Variants in ALDH1L2 observed in about 807,000 individuals in gnomAD.
The protein encoded by ALDH1L2 is mitochondrial 10-formyltetrahydrofolate dehydrogenase.
In ALDH1L2, 91 loss-of-function variants were observed where a neutral mutation model predicts 111.0. That is an observed-to-expected ratio of 0.82 (90% confidence interval 0.69 to 0.98). The LOEUF (loss-of-function observed/expected upper bound fraction) is 0.98. ALDH1L2 is among the 50% of genes least tolerant of loss of function. The probability of loss-of-function intolerance (pLI) is 0.00; values close to 1 mark genes in which losing one functional copy is unlikely to be tolerated. For synonymous variants in ALDH1L2, 374 were observed against 392.6 expected (o/e 0.95, Z 0.56); for missense variants, 995 against 1,126.8 (o/e 0.88, Z 1.67).
intron 17 of ALDH1L2, among the ~76,000 whole-genome samples, chr12:105,038,538 G>A (rs12231561): frequency 0.31 from 47,368 of 151,916 alleles, 8,160 homozygotes; most frequent in South Asian, 0.51. Flanking sequence ...ATGGTGGTGT[G>A]TGACTGTAGT....
intron 5 of ALDH1L2, among the ~76,000 whole-genome samples, chr12:105,065,860 G>C (rs989985843): frequency 6.6e-6 from 1 of 152,178 alleles, no homozygotes; most frequent in African/African-American, 2.4e-5. Context: ...CCTGATGCCT[G>C]TGTTGTTTAC....
chr12:105,043,327 G>T (rs1344258530), intron 15 of ALDH1L2, among the ~76,000 whole-genome samples: 1 of 152,170 alleles, frequency 6.6e-6, no homozygotes, highest in Non-Finnish European at 1.5e-5. Flanking sequence ...CAAAAAATGT[G>T]CATAGAAACT....
rs903901097 is a variant in ALDH1L2, at chr12:105,068,794, T to C, written c.519A>G (p.Ser173=). 1.9e-6 allele frequency: 3 copies of C among 1,609,838 alleles called. No individual in the cohort carries two copies. Among genetic ancestry groups the C allele is most frequent in the South Asian group, 1.1e-5 (1 of 90,156 alleles). ...CTGTATCATTGGGTTCAACATCACA[T>C]GATCTCTGAAGAAGGATGGGTCCTG... The part of the protein sequence containing the change: ...LDTGPILLQR[S]CDVEPNDTVD... The change falls in exon 4 of 23, where the codon TCA becomes TCG. Residue 173 remains serine (S), a synonymous_variant. Transcript: ENST00000258494.
chr12:105,076,678 G>A (rs1033437009), intron 1 of ALDH1L2, among the ~76,000 whole-genome samples: 5 of 152,136 alleles, frequency 3.3e-5, no homozygotes, highest in Non-Finnish European at 7.4e-5. Context: ...AGTGTGTAAT[G>A]CATTAGCACA....
At chr12:105,066,456 A>T (rs1877359082) in intron 5 of ALDH1L2, 112 bp downstream of exon 5, 1 of 905,362 alleles carries the variant, frequency 1.1e-6, no homozygotes, top group Non-Finnish European at 1.7e-6. Flanking sequence ...TCTAACAGGT[A>T]GGGCTAGGGC....
intron 6 of ALDH1L2, among the ~76,000 whole-genome samples, chr12:105,064,268 C>A (rs1325624389): frequency 6.6e-6 from 1 of 151,698 alleles, no homozygotes; most frequent in African/African-American, 2.4e-5. Flanking sequence ...AGGTGTGAGC[C>A]ACCATGGCTG....
intron 6 of ALDH1L2, among the ~76,000 whole-genome samples, chr12:105,064,114 CTTTTTTTTTTTTTTTTTTTT>C (rs71069786): frequency 5.7e-5 from 2 of 35,124 alleles, no homozygotes; most frequent in East Asian, 1.1e-3. Flanking sequence ...CCACACCGAG[CTTTTTTTTTTTTTTTTTTTT>C]TTTTTTTTTT....
intron 1 of ALDH1L2, among the ~76,000 whole-genome samples, chr12:105,075,193 G>A (rs1877977545): frequency 6.6e-6 from 1 of 152,236 alleles, no homozygotes; most frequent in Non-Finnish European, 1.5e-5. Flanking sequence ...AGAGCCAAGA[G>A]ACTGAGATGA....
intron 1 of ALDH1L2, 58 bp from the exon 2 acceptor site, chr12:105,074,063 T>C (rs1221678069): frequency 6.2e-7 from 1 of 1,601,230 alleles, no homozygotes; most frequent in African/African-American, 1.3e-5. Context: ...TGGATGAGGG[T>C]GAGGGTTAAA....
chr12:105,036,514 TTATATATATATATA>T lies in ALDH1L2; in HGVS notation c.2145+1575_2145+1588del, dbSNP rs1182802302. ...ATATTTATATATGTATATATATATT[TTATATATATATATA>T]TATATATATATATATATATATATAT... On this transcript the variant is annotated intron_variant, in intron 18 of 22. Transcript: ENST00000258494. Among the ~76,000 whole-genome samples the T allele has an allele frequency of 8.2e-3, 194 of 23,642 alleles. 8 individuals carry two copies. Among genetic ancestry groups the T allele is most frequent in the African/African-American group, 0.014 (121 of 8,380 alleles). The allele number at this position is 23,642 out of a possible 152,430, so 15.5% of individuals were successfully genotyped here.
rs780265639 is a variant in ALDH1L2 at position 105,063,017 on chromosome 12, G to A, written c.792C>T (p.Val264=). 1.2e-6 allele frequency: 2 copies of A among 1,612,556 alleles called. No homozygotes were observed. ...GAWTEINGQM[V]TFYGSTLLNS... is the part of the protein sequence containing the mutation. Reference sequence around the variant, plus strand: ...TCAGTAATGTCGAGCCATAGAAAGTGACCATCTAGTAAAGAGATCAAACAC... The same window carrying A: ...TCAGTAATGTCGAGCCATAGAAAGTAACCATCTAGTAAAGAGATCAAACAC... Residue 264 remains valine (V), a synonymous_variant, in exon 7 of 23, where the codon GTC becomes GTT. Coordinates refer to ENST00000258494, the MANE Select transcript of ALDH1L2 (RefSeq NM_001034173.4).
intron 18 of ALDH1L2, among the ~76,000 whole-genome samples, chr12:105,037,590 A>C (rs1273210232): frequency 6.6e-6 from 1 of 152,152 alleles, no homozygotes; most frequent in African/African-American, 2.4e-5. Flanking sequence ...TTTTAAAAAC[A>C]CCTTAGTAGA....
At chr12:105,070,093 T>C (rs560279675) in intron 3 of ALDH1L2, among the ~76,000 whole-genome samples, 2 of 152,350 alleles carry the variant, frequency 1.3e-5, no homozygotes, top group South Asian at 4.1e-4. Context: ...GGGATTATGA[T>C]ACTGACATTA....
Position 105,022,731 on chromosome 12 carries a change from C to T in ALDH1L2, c.*1693G>A, listed in dbSNP as rs180884714. On this transcript the variant is annotated 3_prime_UTR_variant, in exon 23 of 23. Transcript: ENST00000258494. ...ATCAAAAGTGCTTCCAGGCCAAATT[C>T]GCTCTGTTTATCATGCTGGGATCAA... 6.6e-6 allele frequency: 1 copy of T among 152,200 alleles called. No individual in the cohort carries two copies. Among genetic ancestry groups the T allele is most frequent in the African/African-American group, 2.4e-5 (1 of 41,516 alleles). 9.4% of individuals were successfully genotyped at this position (152,200 alleles called of 1,614,324 possible). A position where few individuals can be genotyped will look rare whatever the true frequency, so the allele number is the denominator to read the frequency against.
Position 105,073,967 on chromosome 12 carries a change from G to A in ALDH1L2, c.87C>T (p.Gly29=), listed in dbSNP as rs374594489. Residue 29 remains glycine (G), a synonymous_variant, in exon 2 of 23, where the codon GGC becomes GGT. Transcript: ENST00000258494. ...AGACTTCTTGTCCAAAGAGGCTCTGGCCAATTAGTGCCAACTTCAGCTTGT... is the reference window on the plus strand; with the variant it reads ...AGACTTCTTGTCCAAAGAGGCTCTGACCAATTAGTGCCAACTTCAGCTTGT... ...FKNKLKLALI[G]QSLFGQEVYS... The A allele has an allele frequency of 1.4e-4, 227 of 1,614,000 alleles. No individual in the cohort carries two copies. Among genetic ancestry groups the A allele is most frequent in the Non-Finnish European group, 1.8e-4 (217 of 1,180,038 alleles).
At chr12:105,036,581 G>T (rs1875165074) in intron 18 of ALDH1L2, among the ~76,000 whole-genome samples, 1 of 112,656 alleles carries the variant, frequency 8.9e-6, no homozygotes, top group Admixed American at 1.1e-4. Context: ...GGATGTGGCT[G>T]GGTGCAGTGG....
intron 6 of ALDH1L2, among the ~76,000 whole-genome samples, chr12:105,064,025 G>A (rs536282906): frequency 6.2e-4 from 83 of 134,556 alleles, no homozygotes; most frequent in Non-Finnish European, 7.4e-4. Context: ...GTGCAATCTC[G>A]CTGCAACCTC....
chr12:105,038,026 C>G, intron 18 of ALDH1L2, 77 bp downstream of exon 18: 1 of 1,265,138 alleles, frequency 7.9e-7, no homozygotes, highest in African/African-American at 1.5e-5. Context: ...CTTGGCCTCC[C>G]AAAGTGCTAG....
At chr12:105,037,123 A>G (rs1367507496) in intron 18 of ALDH1L2, among the ~76,000 whole-genome samples, 3 of 152,172 alleles carry the variant, frequency 2.0e-5, no homozygotes, top group Non-Finnish European at 4.4e-5. Context: ...TTTCCCCCAC[A>G]ATTACAAGAA....
Sources: allele counts gnomAD v4.1 joint callset (sites outside exome capture counted in the v4.1 genomes callset), GRCh38; gene constraint gnomAD v4.1.1; transcripts MANE v1.5; gene names NCBI Gene and HGNC (gene_info 2026-07-23, HGNC 2026-07-21).